CPA6: variants seen among roughly 807,000 people sequenced by gnomAD.
CPA6 encodes the protein carboxypeptidase A6.
In CPA6, 58 loss-of-function variants were observed where a neutral mutation model predicts 63.3. The observed-to-expected ratio is 0.92, with a 90% CI of 0.74 to 1.14. CPA6 has a LOEUF of 1.14. Among genes scored for constraint, CPA6 ranks in the 50% most tolerant of loss-of-function variants. The pLI, the probability that CPA6 is intolerant of heterozygous loss-of-function variation, is 0.00. For synonymous variants in CPA6, 185 were observed against 179.0 expected, an observed-to-expected ratio of 1.03 and a Z score of -0.27; for missense variants, 565 against 526.6, an observed-to-expected ratio of 1.07 and a Z score of -0.71.
At chr8:67,458,844 C>T (rs1488757476) in intron 8 of CPA6, among the ~76,000 whole-genome samples, 1 of 152,178 alleles carries the variant, frequency 6.6e-6, no homozygotes, top group Non-Finnish European at 1.5e-5. Context: ...AAACAAGATG[C>T]CACTACACAC....
At chr8:67,524,068 C>A in intron 2 of CPA6, among the ~76,000 whole-genome samples, 1 of 152,196 alleles carries the variant, frequency 6.6e-6, no homozygotes, top group East Asian at 1.9e-4. Context: ...TTAGTTTACA[C>A]AAAATCTTAA....
intron 2 of CPA6, among the ~76,000 whole-genome samples, chr8:67,584,414 G>A (rs570086766): frequency 6.6e-6 from 1 of 152,256 alleles, no homozygotes; most frequent in South Asian, 2.1e-4. Flanking sequence ...CTTTACAAAA[G>A]GCTTGGGTGC....
At chr8:67,700,752 T>G (rs916700921) in intron 1 of CPA6, among the ~76,000 whole-genome samples, 1 of 152,172 alleles carries the variant, frequency 6.6e-6, no homozygotes, top group African/African-American at 2.4e-5. Context: ...TAATTTTGCT[T>G]CAGGGGAGTT....
intron 2 of CPA6, among the ~76,000 whole-genome samples, chr8:67,559,243 C>T (rs1392293065): frequency 2.6e-5 from 4 of 152,170 alleles, no homozygotes; most frequent in Non-Finnish European, 5.9e-5. Context: ...TATGTGACCT[C>T]ATAAGATCAG....
intron 8 of CPA6, among the ~76,000 whole-genome samples, chr8:67,438,162 C>T (rs563879746): frequency 4.7e-4 from 72 of 152,304 alleles, no homozygotes; most frequent in East Asian, 4.4e-3. Flanking sequence ...AAGTGATCTG[C>T]CCGCCTTGGC....
At chr8:67,473,557 T>C (rs1811109573) in intron 8 of CPA6, among the ~76,000 whole-genome samples, 1 of 152,232 alleles carries the variant, frequency 6.6e-6, no homozygotes, top group South Asian at 2.1e-4. Flanking sequence ...GGTCAGAGTT[T>C]CATGAAAAGG....
At chr8:67,491,349 G>C (rs546157985) in intron 6 of CPA6, among the ~76,000 whole-genome samples, 8 of 151,644 alleles carry the variant, frequency 5.3e-5, no homozygotes, top group Non-Finnish European at 8.8e-5. Context: ...AGAAGAAAAG[G>C]CTTCATAAAT....
At chr8:67,698,657 T>G (rs1476864332) in intron 1 of CPA6, among the ~76,000 whole-genome samples, 1 of 152,096 alleles carries the variant, frequency 6.6e-6, no homozygotes, top group Non-Finnish European at 1.5e-5. Flanking sequence ...TCTTATTTTA[T>G]TGACTGTTTC....
rs146165572 is a variant in CPA6, at chr8:67,508,625, G to A, written c.534+892C>T. Among the ~76,000 whole-genome samples, 1,224 of 152,204 alleles carry A rather than the reference G, an allele frequency of 8.0e-3. 17 individuals carry two copies. The highest frequency in any genetic ancestry group is 0.028 in the African/African-American group (1,168 of 41,526). On this transcript the variant is annotated intron_variant, in intron 5 of 10. Transcript: ENST00000297770. The stretch of plus-strand genomic sequence containing the variant: ...GACCCAGATGGTCAGAGAGACAGGA[G>A]GAGAATCAATTAGGAGTGGTTGCTG...
At chr8:67,593,218 G>A (rs1814186181) in intron 2 of CPA6, among the ~76,000 whole-genome samples, 1 of 150,844 alleles carries the variant, frequency 6.6e-6, no homozygotes, top group Admixed American at 6.6e-5. Flanking sequence ...TTAATCCTGA[G>A]TTCTAGTTTG....
chr8:67,628,027 A>T (rs796296054), intron 1 of CPA6, among the ~76,000 whole-genome samples: 1 of 152,102 alleles, frequency 6.6e-6, no homozygotes, highest in Non-Finnish European at 1.5e-5. Flanking sequence ...CTGCCTTCCA[A>T]CATGGTGAAA....
intron 2 of CPA6, among the ~76,000 whole-genome samples, chr8:67,586,879 A>C (rs1813952900): frequency 6.6e-6 from 1 of 152,210 alleles, no homozygotes; most frequent in South Asian, 2.1e-4. Flanking sequence ...GGCTGTGGGT[A>C]ACCATGTTGA....
chr8:67,599,690 G>A (rs541944096), intron 2 of CPA6, among the ~76,000 whole-genome samples: 55 of 152,328 alleles, frequency 3.6e-4, no homozygotes, highest in African/African-American at 1.2e-3. Context: ...GAAGTAAAGA[G>A]TGTTTAAAGG....
At chr8:67,542,065 G>A (rs186567820) in intron 2 of CPA6, among the ~76,000 whole-genome samples, 17 of 152,338 alleles carry the variant, frequency 1.1e-4, no homozygotes, top group Admixed American at 9.8e-4. Flanking sequence ...GAGAGCACCA[G>A]ACTCATTTGG....
intron 1 of CPA6, among the ~76,000 whole-genome samples, chr8:67,693,176 T>C (rs753023621): frequency 1.3e-5 from 2 of 152,248 alleles, no homozygotes; most frequent in Non-Finnish European, 2.9e-5. Flanking sequence ...ATTAGTAGAC[T>C]GTGTGACCTA....
chr8:67,681,233 C>T (rs367754402), intron 1 of CPA6, among the ~76,000 whole-genome samples: 5 of 62,910 alleles, frequency 7.9e-5, no homozygotes, highest in Admixed American at 1.4e-4. Flanking sequence ...GACGGAGTCT[C>T]GCTCTGTCGC....
chr8:67,680,541 AACAC>A (rs1005993836), intron 1 of CPA6, among the ~76,000 whole-genome samples: 1 of 152,190 alleles, frequency 6.6e-6, no homozygotes, highest in African/African-American at 2.4e-5. Flanking sequence ...ACATACACAA[AACAC>A]ACAGACATAC....
intron 2 of CPA6, among the ~76,000 whole-genome samples, chr8:67,579,794 T>C (rs1336943773): frequency 1.3e-5 from 2 of 152,226 alleles, no homozygotes; most frequent in Non-Finnish European, 2.9e-5. Context: ...TAAAGGTTTA[T>C]AGGAACATAG....
chr8:67,681,312 C>T (rs1330494343), intron 1 of CPA6, among the ~76,000 whole-genome samples: 1 of 148,490 alleles, frequency 6.7e-6, no homozygotes, highest in African/African-American at 2.5e-5. Flanking sequence ...CGGGTTCACG[C>T]CATTCTCCTG....
Sources: allele counts gnomAD v4.1 joint callset (sites outside exome capture counted in the v4.1 genomes callset), GRCh38; gene constraint gnomAD v4.1.1; transcripts MANE v1.5; gene names NCBI Gene and HGNC (gene_info 2026-07-23, HGNC 2026-07-21).